Variants in HSD17B12 observed in about 807,000 individuals in gnomAD.
HSD17B12 encodes very-long-chain 3-oxoacyl-CoA reductase.
HSD17B12 carries 32 observed loss-of-function variants against 39.3 expected under a neutral mutation model. That is an observed-to-expected ratio of 0.81 (90% CI 0.61 to 1.09). The LOEUF is 1.09. Among genes scored for constraint, HSD17B12 ranks in the 50% least tolerant of loss-of-function variants. The probability of loss-of-function intolerance (pLI) is 0.00; values close to 1 mark genes in which losing one functional copy is unlikely to be tolerated. For synonymous variants in HSD17B12, 150 were observed against 146.7 expected, an observed-to-expected ratio of 1.02 and a Z score of -0.16; for missense variants, 342 against 382.9, an observed-to-expected ratio of 0.89 and a Z score of 0.89.
chr11:43,587,935 G>C, the HSD17B12 span, among the ~76,000 whole-genome samples: 23 of 152,174 alleles, frequency 1.5e-4, no homozygotes, highest in African/African-American at 5.6e-4. Context: ...TGGTAGACTG[G>C]CTGCTTCCAT....
At chr11:43,670,657 A>T in the HSD17B12 span, among the ~76,000 whole-genome samples, 1 of 152,186 alleles carries the variant, frequency 6.6e-6, no homozygotes, top group African/African-American at 2.4e-5. Context: ...TTGGGAGGCC[A>T]AGACAGGAGG....
At chr11:43,807,987 AG>A (rs1951034948) in intron 4 of HSD17B12, among the ~76,000 whole-genome samples, 1 of 152,178 alleles carries the variant, frequency 6.6e-6, no homozygotes. Flanking sequence ...ACAGTTACAG[AG>A]TTAGACATCA....
intron 1 of HSD17B12, among the ~76,000 whole-genome samples, chr11:43,728,378 A>G (rs1056523058): frequency 6.6e-6 from 1 of 152,144 alleles, no homozygotes; most frequent in Admixed American, 6.5e-5. Context: ...ATTCTGTTTA[A>G]CTAATATACA....
Position 43,696,692 on chromosome 11 carries a change from A to G in HSD17B12, c.160+15705A>G, listed in dbSNP as rs968448901. ...TACCCAAAGGAATATAAATCATTCT[A>G]CTATAAAGACACATGGACACATATG... On this transcript the variant is annotated intron_variant, in intron 1 of 10. Transcript: ENST00000278353. Among the ~76,000 whole-genome samples the G allele has an allele frequency of 3.3e-5, 5 of 152,346 alleles. No homozygotes were observed. The East Asian group carries it at 7.7e-4, about 23-fold the overall frequency.
chr11:43,763,458 T>G (rs891907650), intron 3 of HSD17B12, among the ~76,000 whole-genome samples: 8 of 151,888 alleles, frequency 5.3e-5, no homozygotes, highest in African/African-American at 1.9e-4. Context: ...CTGAGGCGCA[T>G]AGTAATTTTG....
the HSD17B12 span, among the ~76,000 whole-genome samples, chr11:43,563,401 A>G: frequency 6.6e-6 from 1 of 152,206 alleles, no homozygotes; most frequent in African/African-American, 2.4e-5. Flanking sequence ...TCTGTTTCCT[A>G]TTCCAAATTT....
chr11:43,648,601 C>T, the HSD17B12 span, among the ~76,000 whole-genome samples: 8 of 152,296 alleles, frequency 5.3e-5, no homozygotes, highest in African/African-American at 9.6e-5. Context: ...CTTGAATTCA[C>T]ATAAAAGAAT....
the HSD17B12 span, among the ~76,000 whole-genome samples, chr11:43,576,429 G>T: frequency 6.6e-6 from 1 of 152,230 alleles, no homozygotes; most frequent in East Asian, 1.9e-4. Context: ...TAAACCGAGG[G>T]CTGTACTGGG....
chr11:43,653,926 G>C, the HSD17B12 span, among the ~76,000 whole-genome samples: 2 of 152,112 alleles, frequency 1.3e-5, no homozygotes, highest in African/African-American at 2.4e-5. Context: ...GGGATGGTTG[G>C]GTCAAATGGT....
At chr11:43,715,584 C>G (rs544390585) in intron 1 of HSD17B12, among the ~76,000 whole-genome samples, 2 of 152,068 alleles carry the variant, frequency 1.3e-5, no homozygotes, top group East Asian at 1.9e-4. Flanking sequence ...GTCTAAAATT[C>G]TCTTTTTTTG....
intron 4 of HSD17B12, among the ~76,000 whole-genome samples, chr11:43,799,961 A>G (rs971459317): frequency 2.0e-5 from 3 of 152,184 alleles, no homozygotes; most frequent in Non-Finnish European, 4.4e-5. Flanking sequence ...AGGAAGACCA[A>G]TAGGTAAAAA....
the HSD17B12 span, among the ~76,000 whole-genome samples, chr11:43,576,770 G>C: frequency 6.6e-6 from 1 of 152,072 alleles, no homozygotes; most frequent in African/African-American, 2.4e-5. Flanking sequence ...GTGTGCGTGT[G>C]TATGTGTATA....
At chr11:43,677,426 C>G (rs1000774997), upstream of HSD17B12, among the ~76,000 whole-genome samples, 2 of 152,202 alleles carry the variant, frequency 1.3e-5, no homozygotes, top group Admixed American at 1.3e-4. Flanking sequence ...AAGTGTGAAG[C>G]ACTTTATTGT....
the HSD17B12 span, among the ~76,000 whole-genome samples, chr11:43,559,969 C>T: frequency 1.3e-5 from 2 of 152,106 alleles, no homozygotes; most frequent in African/African-American, 4.8e-5. Flanking sequence ...AAGAAAGTGC[C>T]TAAATATAAT....
upstream of HSD17B12, among the ~76,000 whole-genome samples, chr11:43,677,131 C>G (rs1949699861): frequency 6.6e-6 from 1 of 152,154 alleles, no homozygotes; most frequent in Admixed American, 6.5e-5. Flanking sequence ...TTTACATTTA[C>G]AGCCTTAGGG....
the HSD17B12 span, among the ~76,000 whole-genome samples, chr11:43,590,611 TC>T: frequency 6.9e-6 from 1 of 145,942 alleles, no homozygotes; most frequent in Non-Finnish European, 1.5e-5. Context: ...TTCAAGCAAT[TC>T]TCCTGCCTTA....
the HSD17B12 span, among the ~76,000 whole-genome samples, chr11:43,635,136 A>T: frequency 6.7e-4 from 102 of 152,368 alleles, no homozygotes; most frequent in African/African-American, 2.2e-3. Context: ...GAGATGATGT[A>T]GATACATTGA....
the HSD17B12 span, among the ~76,000 whole-genome samples, chr11:43,559,318 CT>C: frequency 6.6e-6 from 1 of 152,186 alleles, no homozygotes; most frequent in East Asian, 1.9e-4. Flanking sequence ...CAGTATCTCT[CT>C]TTACTCTGAG....
intron 1 of HSD17B12, among the ~76,000 whole-genome samples, chr11:43,694,271 A>C (rs1223220324): frequency 6.6e-6 from 1 of 152,144 alleles, no homozygotes; most frequent in Non-Finnish European, 1.5e-5. Flanking sequence ...AAGAAATTGA[A>C]TCTAGGTTTT....
Sources: allele counts gnomAD v4.1 joint callset (sites outside exome capture counted in the v4.1 genomes callset), GRCh38; gene constraint gnomAD v4.1.1; transcripts MANE v1.5; gene names NCBI Gene and HGNC (gene_info 2026-07-23, HGNC 2026-07-21).